Variants in SUPT3H observed in about 807,000 individuals in gnomAD.
SUPT3H encodes transcription initiation protein SPT3 homolog.
SUPT3H carries 44 observed loss-of-function variants against 44.3 expected under a neutral mutation model. The observed-to-expected ratio is 0.99, with a 90% CI of 0.78 to 1.28. The LOEUF (loss-of-function observed/expected upper bound fraction) is 1.28, where lower values mean the gene tolerates loss of function less well. SUPT3H is among the 50% of genes most tolerant of loss of function. The pLI is 0.00. For missense variants in SUPT3H, 380 were observed against 387.1 expected, an observed-to-expected ratio of 0.98 and a Z score of 0.15; for synonymous variants, 124 against 125.6, an observed-to-expected ratio of 0.99 and a Z score of 0.09.
chr6:44,986,021 C>T (rs1329716), intron 6 of SUPT3H, among the ~76,000 whole-genome samples: 72,773 of 151,868 alleles, frequency 0.48, 17,948 homozygotes, highest in East Asian at 0.69. Context: ...GTTTGTAAAC[C>T]AAGTATGATA....
chr6:45,122,474 A>G (rs1801816977), intron 2 of SUPT3H, among the ~76,000 whole-genome samples: 1 of 152,182 alleles, frequency 6.6e-6, no homozygotes, highest in African/African-American at 2.4e-5. Context: ...ATTGATGTTT[A>G]AAATGTCTCT....
At chr6:45,068,716 A>G (rs1336428938) in intron 3 of SUPT3H, among the ~76,000 whole-genome samples, 2 of 152,092 alleles carry the variant, frequency 1.3e-5, no homozygotes, top group Non-Finnish European at 2.9e-5. Context: ...CACTGTGTAG[A>G]TCATGTAGCT....
intron 2 of SUPT3H, among the ~76,000 whole-genome samples, chr6:45,263,771 A>G (rs1774790294): frequency 6.6e-6 from 1 of 152,164 alleles, no homozygotes; most frequent in Non-Finnish European, 1.5e-5. Context: ...AAACAAACAT[A>G]GTCCCTTCTC....
intron 3 of SUPT3H, among the ~76,000 whole-genome samples, chr6:45,089,192 T>C (rs1458784858): frequency 4.6e-5 from 7 of 152,052 alleles, no homozygotes; most frequent in Non-Finnish European, 4.4e-5. Context: ...AGTAAAAATA[T>C]ATAGGTTTTT....
intron 2 of SUPT3H, among the ~76,000 whole-genome samples, chr6:45,356,656 C>G (rs1793251679): frequency 1.3e-5 from 2 of 152,128 alleles, no homozygotes. Context: ...CTGCCCACCT[C>G]AGCCTCCCAA....
chr6:45,117,215 G>C (rs1036973697), intron 2 of SUPT3H, among the ~76,000 whole-genome samples: 5 of 152,048 alleles, frequency 3.3e-5, no homozygotes, highest in African/African-American at 1.2e-4. Flanking sequence ...GTAGCAAAGA[G>C]ATATCCTTGA....
At chr6:45,163,741 CTCAAATCAACATTAAA>C (rs555463258) in intron 2 of SUPT3H, among the ~76,000 whole-genome samples, 45 of 150,742 alleles carry the variant, frequency 3.0e-4, no homozygotes, top group African/African-American at 9.3e-4. Context: ...TACTTTTCAA[CTCAAATCAACATTAAA>C]TCAGAAAGAA....
intron 3 of SUPT3H, among the ~76,000 whole-genome samples, chr6:45,071,561 C>G (rs891009147): frequency 4.6e-5 from 7 of 152,096 alleles, no homozygotes; most frequent in Non-Finnish European, 1.0e-4. Context: ...TATATGTTCA[C>G]ATGTCACCCA....
At chr6:45,285,701 T>A (rs1430752971) in intron 2 of SUPT3H, among the ~76,000 whole-genome samples, 1 of 152,100 alleles carries the variant, frequency 6.6e-6, no homozygotes, top group Non-Finnish European at 1.5e-5. Context: ...GCCATCCCCA[T>A]CAAGCTACCA....
At chr6:45,367,591 C>T (rs745984244) in intron 1 of SUPT3H, among the ~76,000 whole-genome samples, 4 of 152,126 alleles carry the variant, frequency 2.6e-5, no homozygotes, top group Non-Finnish European at 4.4e-5. Flanking sequence ...GAAATGTTCC[C>T]TTGTCTCAAT....
At chr6:45,330,169 C>T (rs1030371442) in intron 2 of SUPT3H, among the ~76,000 whole-genome samples, 2 of 151,656 alleles carry the variant, frequency 1.3e-5, no homozygotes, top group African/African-American at 4.8e-5. Flanking sequence ...TGTAAGTGGG[C>T]CCCCTCAGTT....
At chr6:45,068,318 TGGGGGGA>T (rs1257991757) in intron 3 of SUPT3H, among the ~76,000 whole-genome samples, 1 of 76,280 alleles carries the variant, frequency 1.3e-5, no homozygotes, top group Non-Finnish European at 2.5e-5. Flanking sequence ...TGTGGTGGGG[TGGGGGGA>T]GGGGGGAGGG....
At chr6:45,052,099 T>C (rs1790390071) in intron 3 of SUPT3H, among the ~76,000 whole-genome samples, 1 of 152,154 alleles carries the variant, frequency 6.6e-6, no homozygotes, top group Non-Finnish European at 1.5e-5. Flanking sequence ...GGGAATCACC[T>C]AGGTATTTGG....
chr6:44,954,346 C>T (rs1466709648), intron 8 of SUPT3H, 149 bp downstream of exon 8: 5 of 693,946 alleles, frequency 7.2e-6, no homozygotes, highest in African/African-American at 1.8e-5. Context: ...CATAACTGAA[C>T]TAAATTTTAG....
At chr6:44,947,398 C>A (rs1773520493) in intron 9 of SUPT3H, among the ~76,000 whole-genome samples, 1 of 152,032 alleles carries the variant, frequency 6.6e-6, no homozygotes, top group African/African-American at 2.4e-5. Context: ...TTCATATGTA[C>A]AGCATTTTCA....
intron 6 of SUPT3H, among the ~76,000 whole-genome samples, chr6:44,974,593 C>A (rs1168918634): frequency 6.6e-6 from 1 of 152,044 alleles, no homozygotes; most frequent in Admixed American, 6.5e-5. Context: ...GATCATGGTA[C>A]CAAAGGAAAA....
At chr6:45,314,376 T>C (rs1029734497) in intron 2 of SUPT3H, among the ~76,000 whole-genome samples, 1 of 152,148 alleles carries the variant, frequency 6.6e-6, no homozygotes, top group African/African-American at 2.4e-5. Flanking sequence ...GACAATATGA[T>C]TGTTTACCTT....
At chr6:45,048,098 T>G (rs1455155755) in intron 3 of SUPT3H, among the ~76,000 whole-genome samples, 1 of 152,124 alleles carries the variant, frequency 6.6e-6, no homozygotes, top group Non-Finnish European at 1.5e-5. Context: ...GTTTGGATTT[T>G]AGTTAATAGT....
chr6:45,202,306 T>C (rs1185688580), intron 2 of SUPT3H, among the ~76,000 whole-genome samples: 1 of 151,800 alleles, frequency 6.6e-6, no homozygotes, highest in Admixed American at 6.6e-5. Context: ...ATTATAAAAT[T>C]GCAGATAATT....
Sources: gnomAD v4.1 joint callset for allele counts (sites outside exome capture counted in the v4.1 genomes callset) on GRCh38, gnomAD v4.1.1 for gene constraint, MANE v1.5 for transcripts, NCBI Gene and HGNC (gene_info 2026-07-23, HGNC 2026-07-21) for gene names.